NR3C2: variants seen among roughly 807,000 people sequenced by gnomAD.
NR3C2 encodes the protein mineralocorticoid receptor.
In NR3C2, 15 loss-of-function variants were observed where a neutral mutation model predicts 86.4. The ratio of observed to expected loss-of-function variants is 0.17; its 90% confidence interval spans 0.12 to 0.27. The LOEUF (loss-of-function observed/expected upper bound fraction) is 0.27, where lower values mean the gene tolerates loss of function less well. Ranked by LOEUF, NR3C2 falls within the 10% of genes least tolerant of loss-of-function variation. The probability of loss-of-function intolerance (pLI) is 1.00; values close to 1 mark genes in which losing one functional copy is unlikely to be tolerated. For synonymous variants in NR3C2, 458 were observed against 450.5 expected (o/e 1.02, Z -0.21); for missense variants, 960 against 1,195.6 (o/e 0.80, Z 2.91).
intron 2 of NR3C2, among the ~76,000 whole-genome samples, chr4:148,305,859 A>G (rs1437055875): frequency 6.6e-6 from 1 of 152,216 alleles, no homozygotes; most frequent in Non-Finnish European, 1.5e-5. Flanking sequence ...TATTAATTCA[A>G]TATGTTTCCT....
intron 3 of NR3C2, among the ~76,000 whole-genome samples, chr4:148,225,498 A>T (rs1370014656): frequency 6.6e-6 from 1 of 152,148 alleles, no homozygotes; most frequent in Non-Finnish European, 1.5e-5. Flanking sequence ...TAACAATGTT[A>T]TGAATTCTGT....
intron 2 of NR3C2, among the ~76,000 whole-genome samples, chr4:148,358,411 A>G (rs1745663147): frequency 6.8e-6 from 1 of 146,830 alleles, no homozygotes; most frequent in South Asian, 2.2e-4. Flanking sequence ...CATAGGTGGG[A>G]ATTGAACAAT....
chr4:148,390,254 G>A (rs886480955), intron 2 of NR3C2, among the ~76,000 whole-genome samples: 4 of 149,148 alleles, frequency 2.7e-5, no homozygotes, highest in African/African-American at 9.9e-5. Flanking sequence ...AAAAAAAAAA[G>A]TCTGCAGGAA....
chr4:148,381,626 A>G lies in NR3C2; in HGVS notation c.1757+53478T>C, dbSNP rs118147977. On this transcript the variant is annotated intron_variant, in intron 2 of 8. Coordinates refer to ENST00000358102, the MANE Select transcript of NR3C2 (RefSeq NM_000901.5). Reference sequence around the variant, plus strand: ...TGTAGAGTAATCTTTAAAACATGGAAAATTCAATCAAAATGTTTTTATTTT... The same window carrying G: ...TGTAGAGTAATCTTTAAAACATGGAGAATTCAATCAAAATGTTTTTATTTT... 3.3e-5 allele frequency among the ~76,000 whole-genome samples: 5 copies of G among 152,340 alleles called. No individual in the cohort carries two copies. In the East Asian group the frequency reaches 9.6e-4, roughly 29 times the overall value.
At chr4:148,104,391 G>T (rs1578886001) in intron 8 of NR3C2, among the ~76,000 whole-genome samples, 2 of 117,844 alleles carry the variant, frequency 1.7e-5, no homozygotes, top group Non-Finnish European at 1.6e-5. Context: ...CCTCTCCCTT[G>T]GTGTCTTGGA....
At chr4:148,419,368 C>T (rs76249237) in intron 2 of NR3C2, among the ~76,000 whole-genome samples, 2,913 of 152,254 alleles carry the variant, frequency 0.019, 98 homozygotes, top group African/African-American at 0.066. Context: ...TCTTCTGAAG[C>T]TATAAGCAAA....
chr4:148,214,424 C>A (rs1263252160), intron 3 of NR3C2, among the ~76,000 whole-genome samples: 2 of 152,036 alleles, frequency 1.3e-5, no homozygotes, highest in Non-Finnish European at 2.9e-5. Context: ...CCACTTTCCA[C>A]AATTTGGGTT....
chr4:148,172,062 G>A (rs1420133454), intron 4 of NR3C2, among the ~76,000 whole-genome samples: 2 of 151,674 alleles, frequency 1.3e-5, no homozygotes, highest in African/African-American at 2.4e-5. Flanking sequence ...TACTCGTGTC[G>A]GGTTTGCTTC....
At chr4:148,125,237 T>C (rs79329189) in intron 6 of NR3C2, among the ~76,000 whole-genome samples, 1 of 152,376 alleles carries the variant, frequency 6.6e-6, no homozygotes, top group Non-Finnish European at 1.5e-5. Flanking sequence ...AAATTTAGAC[T>C]CCACACTTGA....
chr4:148,381,862 C>A (rs1320116684), intron 2 of NR3C2, among the ~76,000 whole-genome samples: 1 of 152,128 alleles, frequency 6.6e-6, no homozygotes, highest in East Asian at 1.9e-4. Context: ...CTAACCACCC[C>A]AATATACCTT....
intron 2 of NR3C2, among the ~76,000 whole-genome samples, chr4:148,364,572 G>A (rs1173405753): frequency 6.6e-6 from 1 of 152,196 alleles, no homozygotes; most frequent in Non-Finnish European, 1.5e-5. Context: ...AACAATATGT[G>A]TTAGGTCCTT....
In NR3C2 at chr4:148,333,581, G is replaced by C. The variant is rs376518904; in HGVS notation, c.1758-73464C>G. Among the ~76,000 whole-genome samples the C allele has an allele frequency of 6.6e-5, 10 of 151,546 alleles. No individual in the cohort carries two copies. The East Asian group carries it at 1.6e-3, about 24-fold the overall frequency. On this transcript the variant is annotated intron_variant, in intron 2 of 8. Transcript: ENST00000358102. ...GAGAATGAAAAGTTGGAAGGACCAC[G>C]AGTCTCCAAAGATTATGCCAAGTCC...
At chr4:148,357,235 A>G (rs1745592154) in intron 2 of NR3C2, among the ~76,000 whole-genome samples, 1 of 152,196 alleles carries the variant, frequency 6.6e-6, no homozygotes, top group African/African-American at 2.4e-5. Context: ...TAATGAGCTT[A>G]CAAAAATGAT....
intron 2 of NR3C2, among the ~76,000 whole-genome samples, chr4:148,291,650 T>C: frequency 6.6e-6 from 1 of 152,106 alleles, no homozygotes; most frequent in East Asian, 1.9e-4. Flanking sequence ...GTCTGATTAC[T>C]TTCTTAACAT....
rs186835959 is a variant in NR3C2, at chr4:148,397,587, T to G, written c.1757+37517A>C. Among the ~76,000 whole-genome samples the G allele has an allele frequency of 2.6e-5, 4 of 152,336 alleles. No individual in the cohort carries two copies. The East Asian group carries it at 7.7e-4, about 29-fold the overall frequency. On this transcript the variant is annotated intron_variant, in intron 2 of 8. Coordinates refer to ENST00000358102, the MANE Select transcript of NR3C2 (RefSeq NM_000901.5). The stretch of plus-strand genomic sequence containing the variant: ...TATTGTTATTCTTCATTTTACTTGA[T>G]AGCATTCTCATAATTCATTAACAAT...
At chr4:148,136,928 A>T (rs1733374534) in intron 6 of NR3C2, among the ~76,000 whole-genome samples, 1 of 152,182 alleles carries the variant, frequency 6.6e-6, no homozygotes, top group Admixed American at 6.5e-5. Flanking sequence ...GATGGAAGTT[A>T]TATGTTTCAT....
intron 3 of NR3C2, among the ~76,000 whole-genome samples, chr4:148,205,396 C>T (rs563013203): frequency 2.6e-5 from 4 of 152,314 alleles, no homozygotes; most frequent in Middle Eastern, 3.4e-3. Flanking sequence ...CTCTCTCCCC[C>T]TCTCCTATCC....
intron 2 of NR3C2, among the ~76,000 whole-genome samples, chr4:148,300,587 CATTT>C (rs1295576641): frequency 2.9e-5 from 2 of 67,830 alleles, no homozygotes; most frequent in African/African-American, 9.5e-5. Context: ...CCTTGCTACT[CATTT>C]TTTTTTTTTT....
intron 2 of NR3C2, among the ~76,000 whole-genome samples, chr4:148,272,723 G>C (rs1740751560): frequency 6.6e-6 from 1 of 152,038 alleles, no homozygotes; most frequent in Non-Finnish European, 1.5e-5. Context: ...TTTTTCAGAA[G>C]TTTTTAAAAT....
Sources: gnomAD v4.1 joint callset for allele counts (sites outside exome capture counted in the v4.1 genomes callset) on GRCh38, gnomAD v4.1.1 for gene constraint, MANE v1.5 for transcripts, NCBI Gene and HGNC (gene_info 2026-07-23, HGNC 2026-07-21) for gene names.